The following SLC12A8 variants were observed in gnomAD, a reference collection of about 807,000 sequenced individuals.
The protein encoded by SLC12A8 is solute carrier family 12 member 8.
SLC12A8 carries 69 observed loss-of-function variants against 75.6 expected under a neutral mutation model. The ratio of observed to expected loss-of-function variants is 0.91; its 90% CI spans 0.75 to 1.11. The LOEUF is 1.11. Among genes scored for constraint, SLC12A8 ranks in the 50% most tolerant of loss-of-function variants. The pLI is 0.00. For synonymous variants in SLC12A8, 365 were observed against 372.8 expected (o/e 0.98, Z 0.24); for missense variants, 877 against 896.7 (o/e 0.98, Z 0.28).
At chr3:125,131,279 A>G (rs9831295) in intron 6 of SLC12A8, among the ~76,000 whole-genome samples, 36,958 of 152,194 alleles carry the variant, frequency 0.24, 4,804 homozygotes, top group Non-Finnish European at 0.28. Context: ...GGAAACAGAA[A>G]AGAAACAGCA....
intron 5 of SLC12A8, 94 bp downstream of exon 5, chr3:125,177,649 T>C (rs1296386252): frequency 1.2e-6 from 1 of 827,000 alleles, no homozygotes; most frequent in Non-Finnish European, 1.9e-6. Context: ...CCTATGGGGG[T>C]TAGGGGGAGA....
In SLC12A8 at chr3:125,083,835, C is replaced by T; in HGVS notation, c.*55G>A. The T allele has an allele frequency of 6.4e-7, 1 of 1,555,438 alleles. No homozygotes were observed. The highest frequency in any genetic ancestry group is 1.4e-5 in the African/African-American group (1 of 73,660). On this transcript the variant is annotated 3_prime_UTR_variant, in exon 14 of 14. Transcript: ENST00000469902. ...GAAGCAGCTCCACGAAGGTCCTGAG[C>T]TTGGGTCCACTGTACATGGGACAGC...
At chr3:125,149,053 G>A (rs1357564385) in intron 5 of SLC12A8, among the ~76,000 whole-genome samples, 1 of 152,192 alleles carries the variant, frequency 6.6e-6, no homozygotes, top group Non-Finnish European at 1.5e-5. Flanking sequence ...TCAGGGCTGA[G>A]GCGGGCGAGG....
Position 125,211,293 on chromosome 3 carries a change from G to A in SLC12A8, c.51+6C>T, listed in dbSNP as rs1462294930. On this transcript the variant is annotated splice_donor_region_variant and intron_variant, in intron 2 of 13. Transcript: ENST00000469902. ...CATCACAGACCCTGGCACATCCTGA[G>A]CCTACCTGCTGGGCTGCCTCATGGA... is the stretch of plus-strand genomic sequence containing the variant. 7 of 1,612,940 alleles carry A rather than the reference G, an allele frequency of 4.3e-6. No individual in the cohort carries two copies. Among genetic ancestry groups the A allele is most frequent in the Non-Finnish European group, 5.9e-6 (7 of 1,179,526 alleles).
At chr3:125,122,148 G>T (rs1311099817) in intron 6 of SLC12A8, among the ~76,000 whole-genome samples, 2 of 152,126 alleles carry the variant, frequency 1.3e-5, no homozygotes, top group African/African-American at 4.8e-5. Context: ...GTTTTAAGAC[G>T]CATATTAGAA....
chr3:125,094,815 T>C (rs2107734035), intron 10 of SLC12A8, among the ~76,000 whole-genome samples: 1 of 152,326 alleles, frequency 6.6e-6, no homozygotes, highest in South Asian at 2.1e-4. Context: ...CTAAAACTAC[T>C]CTTACCAAAG....
At chr3:125,166,879 G>T (rs1934302130) in intron 5 of SLC12A8, among the ~76,000 whole-genome samples, 1 of 152,186 alleles carries the variant, frequency 6.6e-6, no homozygotes, top group Admixed American at 6.5e-5. Context: ...CTGAACAATA[G>T]CCGACATCAC....
intron 2 of SLC12A8, among the ~76,000 whole-genome samples, chr3:125,209,953 C>CA (rs1935303486): frequency 1.3e-5 from 2 of 152,046 alleles, no homozygotes; most frequent in Admixed American, 6.5e-5. Flanking sequence ...CAAGACAGTG[C>CA]AGGGGAGGGA....
chr3:125,179,552 C>T (rs1364580402), intron 4 of SLC12A8, among the ~76,000 whole-genome samples: 1 of 152,212 alleles, frequency 6.6e-6, no homozygotes, highest in Non-Finnish European at 1.5e-5. Context: ...GATCAGCTCA[C>T]TTTGCAACTA....
At chr3:125,185,817 G>GCGCGC (rs1934769283) in intron 4 of SLC12A8, among the ~76,000 whole-genome samples, 1 of 152,212 alleles carries the variant, frequency 6.6e-6, no homozygotes, top group Non-Finnish European at 1.5e-5. Context: ...CAAAGCACAG[G>GCGCGC]CACTCCAGAG....
chr3:125,182,481 A>G lies in SLC12A8; in HGVS notation c.391-4507T>C, dbSNP rs147610616. Among the ~76,000 whole-genome samples the G allele has an allele frequency of 5.6e-3, 854 of 152,170 alleles. 6 individuals are homozygous for G. The highest frequency in any genetic ancestry group is 0.021 in the South Asian group (101 of 4,820). ...TTACTTAAAGTGAGAACTACAAGCC[A>G]TGGAATAATGTATGAAATTTGTCCC... On this transcript the variant is annotated intron_variant, in intron 4 of 13. Transcript: ENST00000469902.
At chr3:125,152,312 T>C (rs1440760727) in intron 5 of SLC12A8, among the ~76,000 whole-genome samples, 1 of 152,270 alleles carries the variant, frequency 6.6e-6, no homozygotes, top group Non-Finnish European at 1.5e-5. Flanking sequence ...CTTCAGAATG[T>C]ACCATGCTCA....
intron 6 of SLC12A8, among the ~76,000 whole-genome samples, chr3:125,126,477 G>A (rs1933211830): frequency 6.6e-6 from 1 of 152,182 alleles, no homozygotes; most frequent in Non-Finnish European, 1.5e-5. Flanking sequence ...ACCAACATTT[G>A]CAAGTGGGTA....
In SLC12A8 at chr3:125,083,948, C is replaced by T. The variant is rs774877324; in HGVS notation, c.2087G>A (p.Arg696Gln). ...LTQENADFAT[R>Q]DRYHHSSLVN... ...GAGGGAGGAGTGGTGGTAGCGATCC[C>T]GAGTGGCGAAGTCTGCATTCTCCTG... Residue 696 changes from arginine (R) to glutamine (Q), a missense_variant, in exon 14 of 14, where the codon CGG (arginine) becomes CAG (glutamine). By Grantham distance (43) the Arg-to-Gln change is conservative (BLOSUM62 1). Transcript: ENST00000469902. 8 of 1,613,418 alleles carry T rather than the reference C, an allele frequency of 5.0e-6. No homozygotes were observed. Among genetic ancestry groups the T allele is most frequent in the African/African-American group, 2.7e-5 (2 of 74,828 alleles).
At chr3:125,113,187 A>G (rs1173096060) in intron 8 of SLC12A8, among the ~76,000 whole-genome samples, 1 of 152,140 alleles carries the variant, frequency 6.6e-6, no homozygotes, top group Non-Finnish European at 1.5e-5. Context: ...GGTGGCTTCC[A>G]TCTTTGGCCA....
At chr3:125,189,010 A>G (rs1316035530) in intron 3 of SLC12A8, among the ~76,000 whole-genome samples, 1 of 152,208 alleles carries the variant, frequency 6.6e-6, no homozygotes, top group African/African-American at 2.4e-5. Context: ...TTTATATGTC[A>G]ACTTGGCTAG....
At chr3:125,120,928 C>T in intron 6 of SLC12A8, 3 of 688,082 alleles carry the variant, frequency 4.4e-6, no homozygotes, top group Non-Finnish European at 7.9e-6. Flanking sequence ...CCTCCCAGCT[C>T]CAAAAGCATC....
chr3:125,083,929 G>T lies in SLC12A8; in HGVS notation c.2106C>A (p.Ser702=), dbSNP rs1201761701. Residue 702 remains serine (S), a synonymous_variant, in exon 14 of 14, where the codon TCC becomes TCA. Coordinates refer to ENST00000469902, the MANE Select transcript of SLC12A8 (RefSeq NM_024628.6). The part of the protein sequence containing the change: ...DFATRDRYHH[S]SLVNREQLMP... ...TCAGCTGCTCCCGGTTCACGAGGGA[G>T]GAGTGGTGGTAGCGATCCCGAGTGG... 4.3e-6 allele frequency: 7 copies of T among 1,613,592 alleles called. No homozygotes were observed. Among genetic ancestry groups the T allele is most frequent in the Non-Finnish European group, 5.9e-6 (7 of 1,179,846 alleles).
intron 7 of SLC12A8, 83 bp downstream of exon 7, chr3:125,120,516 G>A: frequency 5.0e-6 from 5 of 1,000,768 alleles, no homozygotes; most frequent in Non-Finnish European, 7.8e-6. Flanking sequence ...GGCACTCTCA[G>A]AACAAAAGGG....
Sources: allele counts gnomAD v4.1 joint callset (sites outside exome capture counted in the v4.1 genomes callset), GRCh38; gene constraint gnomAD v4.1.1; transcripts MANE v1.5; gene names NCBI Gene and HGNC (gene_info 2026-07-23, HGNC 2026-07-21).